Variants in GALNT13 observed in about 807,000 individuals in gnomAD.
GALNT13 encodes the protein polypeptide N-acetylgalactosaminyltransferase 13.
A neutral mutation model predicts 64.2 loss-of-function variants in GALNT13; 28 were observed. The observed-to-expected ratio is 0.44, with a 90% confidence interval of 0.32 to 0.60. The LOEUF (loss-of-function observed/expected upper bound fraction) is 0.60, where lower values mean the gene tolerates loss of function less well. Ranked by LOEUF, GALNT13 falls within the 20% of genes least tolerant of loss-of-function variation. The pLI is 0.05. For synonymous variants in GALNT13, 214 were observed against 224.6 expected, an observed-to-expected ratio of 0.95 and a Z score of 0.42; for missense variants, 577 against 669.8, an observed-to-expected ratio of 0.86 and a Z score of 1.53.
At chr2:154,400,854 T>C (rs998280741) in intron 10 of GALNT13, among the ~76,000 whole-genome samples, 1 of 152,062 alleles carries the variant, frequency 6.6e-6, no homozygotes, top group African/African-American at 2.4e-5. Flanking sequence ...CTTGTAAATT[T>C]AAGTGTAAGA....
chr2:154,118,273 C>T (rs72871826), intron 3 of GALNT13, among the ~76,000 whole-genome samples: 1 of 139,970 alleles, frequency 7.1e-6, no homozygotes, highest in African/African-American at 2.6e-5. Flanking sequence ...ATATTATGTC[C>T]CTCTTTGTCT....
At chr2:153,807,027 G>T in the GALNT13 span, among the ~76,000 whole-genome samples, 1 of 152,048 alleles carries the variant, frequency 6.6e-6, no homozygotes, top group Non-Finnish European at 1.5e-5. Context: ...TAGGGTTTCG[G>T]AGGTAGCTGG....
chr2:153,646,885 C>G, the GALNT13 span, among the ~76,000 whole-genome samples: 1 of 152,042 alleles, frequency 6.6e-6, no homozygotes, highest in Non-Finnish European at 1.5e-5. Flanking sequence ...TGGGTTGGTT[C>G]CAAGTCTTTG....
the GALNT13 span, among the ~76,000 whole-genome samples, chr2:153,256,442 C>G: frequency 0.018 from 2,807 of 152,156 alleles, 83 homozygotes; most frequent in African/African-American, 0.064. Flanking sequence ...GTAATTTGAT[C>G]ATCTGAAGCC....
At chr2:153,350,447 A>G in the GALNT13 span, among the ~76,000 whole-genome samples, 1 of 140,508 alleles carries the variant, frequency 7.1e-6, no homozygotes, top group Non-Finnish European at 1.5e-5. Flanking sequence ...CAGTGGTATG[A>G]TCTTGGCTCA....
chr2:154,419,747 G>A (rs953215467), intron 11 of GALNT13, among the ~76,000 whole-genome samples: 4 of 152,034 alleles, frequency 2.6e-5, no homozygotes, highest in South Asian at 2.1e-4. Flanking sequence ...TGTGATTATC[G>A]ATAAGAAAAG....
At chr2:154,053,568 CT>C (rs1163570066) in intron 3 of GALNT13, among the ~76,000 whole-genome samples, 2 of 151,968 alleles carry the variant, frequency 1.3e-5, no homozygotes, top group African/African-American at 4.8e-5. Flanking sequence ...ATTCTATTTG[CT>C]TTTTATTGAA....
the GALNT13 span, among the ~76,000 whole-genome samples, chr2:153,263,650 A>G: frequency 6.6e-6 from 1 of 152,184 alleles, no homozygotes; most frequent in African/African-American, 2.4e-5. Flanking sequence ...CCACACATCT[A>G]CAATAATCTG....
At chr2:154,027,145 C>A (rs1698025832) in intron 3 of GALNT13, among the ~76,000 whole-genome samples, 1 of 152,078 alleles carries the variant, frequency 6.6e-6, no homozygotes, top group Admixed American at 6.6e-5. Context: ...ACTATTTTAC[C>A]TATCTAAACA....
chr2:154,110,532 C>T (rs370705689), intron 3 of GALNT13, among the ~76,000 whole-genome samples: 2 of 151,128 alleles, frequency 1.3e-5, no homozygotes, highest in Non-Finnish European at 2.9e-5. Flanking sequence ...GTCCGATGTT[C>T]GAGGGCAGAA....
chr2:154,305,458 A>C (rs1454706235), intron 9 of GALNT13, among the ~76,000 whole-genome samples: 1 of 152,198 alleles, frequency 6.6e-6, no homozygotes, highest in African/African-American at 2.4e-5. Flanking sequence ...TGAGCTTCTC[A>C]GAACTTCCTT....
Position 154,356,497 on chromosome 2 carries a change from TCA to T in GALNT13, c.1157-39491_1157-39490del, listed in dbSNP as rs914322307. Among the ~76,000 whole-genome samples the T allele has an allele frequency of 9.2e-5, 14 of 152,140 alleles. 1 individual carries two copies. The highest frequency in any genetic ancestry group is 6.6e-4 in the Admixed American group (10 of 15,264). On this transcript the variant is annotated intron_variant, in intron 9 of 12. Transcript: ENST00000392825. ...TGAAAAAAATTGTATAGGGTGGATG[TCA>T]CAGAGTATTCTACATGAATACTCAT...
the GALNT13 span, among the ~76,000 whole-genome samples, chr2:153,088,798 C>T: frequency 6.6e-6 from 1 of 152,078 alleles, no homozygotes; most frequent in Non-Finnish European, 1.5e-5. Flanking sequence ...CTCCTGCTTG[C>T]ATTTGGTTTC....
chr2:154,389,561 TAGAG>T (rs1698681133), intron 9 of GALNT13, among the ~76,000 whole-genome samples: 1 of 152,230 alleles, frequency 6.6e-6, no homozygotes, highest in Non-Finnish European at 1.5e-5. Context: ...ACTTTGATTT[TAGAG>T]AGACAGAACT....
the GALNT13 span, among the ~76,000 whole-genome samples, chr2:153,813,018 ATCTTT>A: frequency 2.6e-5 from 4 of 152,290 alleles, no homozygotes; most frequent in East Asian, 7.7e-4. Context: ...CCTTCACTTT[ATCTTT>A]TCTTTTTATC....
At chr2:154,088,166 C>T (rs1701626332) in intron 3 of GALNT13, among the ~76,000 whole-genome samples, 1 of 152,078 alleles carries the variant, frequency 6.6e-6, no homozygotes, top group Non-Finnish European at 1.5e-5. Flanking sequence ...TTTTCAGTAG[C>T]CTTGCATCTC....
intron 4 of GALNT13, among the ~76,000 whole-genome samples, chr2:154,157,347 C>G (rs563248665): frequency 1.3e-5 from 2 of 152,242 alleles, no homozygotes; most frequent in South Asian, 4.1e-4. Context: ...TACCTCTTAA[C>G]TGCTTAAGCA....
chr2:154,077,015 C>A lies in GALNT13; in HGVS notation c.143-63322C>A, dbSNP rs185862157. Among the ~76,000 whole-genome samples, 5 of 151,562 alleles carry A rather than the reference C, an allele frequency of 3.3e-5. No homozygotes were observed. The East Asian group carries it at 9.7e-4, about 29-fold the overall frequency. ...ACTTTTAAACTACCATTTGAAGTAA[C>A]AAATATTTCTAAAGGAGGCCAAATA... is the stretch of plus-strand genomic sequence containing the variant. On this transcript the variant is annotated intron_variant, in intron 3 of 12. Coordinates refer to ENST00000392825, the MANE Select transcript of GALNT13 (RefSeq NM_052917.4).
At chr2:154,313,949 G>T (rs1211815111) in intron 9 of GALNT13, among the ~76,000 whole-genome samples, 1 of 151,992 alleles carries the variant, frequency 6.6e-6, no homozygotes, top group Non-Finnish European at 1.5e-5. Flanking sequence ...GATTGGATGG[G>T]TCCTTATTAC....
Sources: gnomAD v4.1 joint callset for allele counts (sites outside exome capture counted in the v4.1 genomes callset) on GRCh38, gnomAD v4.1.1 for gene constraint, MANE v1.5 for transcripts, NCBI Gene and HGNC (gene_info 2026-07-23, HGNC 2026-07-21) for gene names.